ITGBL1: variants seen among roughly 807,000 people sequenced by gnomAD.
ITGBL1 encodes integrin subunit beta like 1, also known as integrin beta-like protein 1.
In ITGBL1, 51 loss-of-function variants were observed where a neutral mutation model predicts 68.5. That is an observed-to-expected ratio of 0.74 (90% CI 0.59 to 0.94). The LOEUF is 0.94. Among genes scored for constraint, ITGBL1 ranks in the 40% least tolerant of loss-of-function variants. The probability of loss-of-function intolerance (pLI) is 0.00; values close to 1 mark genes in which losing one functional copy is unlikely to be tolerated. For missense variants in ITGBL1, 649 were observed against 647.4 expected (o/e 1.00, Z -0.03); for synonymous variants, 209 against 227.3 (o/e 0.92, Z 0.72).
At chr13:101,486,270 T>C (rs746879987) in intron 2 of ITGBL1, among the ~76,000 whole-genome samples, 9 of 152,148 alleles carry the variant, frequency 5.9e-5, no homozygotes, top group Non-Finnish European at 1.0e-4. Context: ...TTCTCACTTA[T>C]AAGTAGGAGC....
intron 7 of ITGBL1, among the ~76,000 whole-genome samples, chr13:101,604,049 G>A (rs1344675519): frequency 6.6e-6 from 1 of 151,828 alleles, no homozygotes; most frequent in Admixed American, 6.6e-5. Flanking sequence ...TGAACAAAAT[G>A]TATACTTTTA....
chr13:101,600,411 T>C (rs2030289745), intron 7 of ITGBL1, among the ~76,000 whole-genome samples: 1 of 152,260 alleles, frequency 6.6e-6, no homozygotes. Flanking sequence ...CCTCTTTTCC[T>C]AATTGAATGC....
At chr13:101,569,057 CACACACACA>C in intron 3 of ITGBL1, among the ~76,000 whole-genome samples, 1 of 150,128 alleles carries the variant, frequency 6.7e-6, no homozygotes, top group Non-Finnish European at 1.5e-5. Context: ...CACACACACA[CACACACACA>C]CACACTTCTC....
At chr13:101,519,928 T>C (rs1361942879) in intron 2 of ITGBL1, among the ~76,000 whole-genome samples, 1 of 152,192 alleles carries the variant, frequency 6.6e-6, no homozygotes, top group Admixed American at 6.5e-5. Context: ...TATTTACTCA[T>C]TGATGTAGTA....
rs929303339 is a variant in ITGBL1, at chr13:101,714,696, G to A, written c.1393+145G>A. ...CTACCAAAGGCGAAGTGGGCATTTG[G>A]GAAAAAGCCCTCACAAAAGCCTCAC... On this transcript the variant is annotated intron_variant, in intron 10 of 10. Coordinates refer to ENST00000376180, the MANE Select transcript of ITGBL1 (RefSeq NM_004791.3). The A allele has an allele frequency of 1.5e-5, 9 of 614,740 alleles. No homozygotes were observed. The African/African-American group carries it at 1.5e-4, about 10-fold the overall frequency. 38.1% of individuals were successfully genotyped at this position (614,740 alleles called of 1,614,324 possible). A position where few individuals can be genotyped will look rare whatever the true frequency, so the allele number is the denominator to read the frequency against.
At chr13:101,559,756 G>A (rs964102143) in intron 2 of ITGBL1, among the ~76,000 whole-genome samples, 4 of 152,142 alleles carry the variant, frequency 2.6e-5, no homozygotes, top group Admixed American at 2.6e-4. Context: ...CTTTTCACTT[G>A]TAGAATGGAA....
chr13:101,604,461 A>G lies in ITGBL1; in HGVS notation c.1015+6162A>G, dbSNP rs550086881. 4.6e-5 allele frequency among the ~76,000 whole-genome samples: 7 copies of G among 151,978 alleles called. No individual in the cohort carries two copies. In the South Asian group the frequency reaches 1.2e-3, roughly 27 times the overall value. On this transcript the variant is annotated intron_variant, in intron 7 of 10. Coordinates refer to ENST00000376180, the MANE Select transcript of ITGBL1 (RefSeq NM_004791.3). ...GCCTCTTGAAGTACTTTAAAACTAA[A>G]TAAGCTTCATCAGTTTCCTTACATG...
At chr13:101,539,821 C>G (rs2049656390) in intron 2 of ITGBL1, among the ~76,000 whole-genome samples, 1 of 151,956 alleles carries the variant, frequency 6.6e-6, no homozygotes, top group Non-Finnish European at 1.5e-5. Context: ...AGCATTTTTT[C>G]ATGTGTCTTT....
chr13:101,568,022 C>G (rs1411396690), intron 3 of ITGBL1, among the ~76,000 whole-genome samples, 177 bp downstream of exon 3: 1 of 151,186 alleles, frequency 6.6e-6, no homozygotes, highest in Non-Finnish European at 1.5e-5. Flanking sequence ...CTGAGACTGG[C>G]AAGTTTGATG....
intron 7 of ITGBL1, among the ~76,000 whole-genome samples, chr13:101,668,440 T>C (rs1056067525): frequency 6.6e-6 from 1 of 152,026 alleles, no homozygotes; most frequent in Non-Finnish European, 1.5e-5. Context: ...CAAAATAGAT[T>C]TTGTTTGTGT....
At chr13:101,667,583 A>C (rs557697794) in intron 7 of ITGBL1, among the ~76,000 whole-genome samples, 2 of 152,206 alleles carry the variant, frequency 1.3e-5, no homozygotes, top group Non-Finnish European at 2.9e-5. Flanking sequence ...AATATTACCC[A>C]TCAGGACAAA....
intron 7 of ITGBL1, among the ~76,000 whole-genome samples, chr13:101,602,510 T>G (rs777095419): frequency 8.6e-4 from 131 of 152,178 alleles, no homozygotes; most frequent in Non-Finnish European, 1.6e-3. Flanking sequence ...ACAAAGACTT[T>G]CTTCACTTGA....
chr13:101,551,170 A>C (rs2049914754), intron 2 of ITGBL1, among the ~76,000 whole-genome samples: 1 of 152,206 alleles, frequency 6.6e-6, no homozygotes, highest in Non-Finnish European at 1.5e-5. Flanking sequence ...CAAATGAGGT[A>C]AGGATTTAAC....
intron 2 of ITGBL1, among the ~76,000 whole-genome samples, chr13:101,527,332 A>AAT (rs982081323): frequency 3.9e-5 from 6 of 152,142 alleles, no homozygotes; most frequent in African/African-American, 1.4e-4. Flanking sequence ...CCTATAATGT[A>AAT]ATATAAAAGG....
At chr13:101,709,101 C>T (rs952217873) in intron 9 of ITGBL1, among the ~76,000 whole-genome samples, 2 of 151,448 alleles carry the variant, frequency 1.3e-5, no homozygotes, top group South Asian at 2.1e-4. Flanking sequence ...CGCGGTGGCT[C>T]ACGCCTGTAA....
chr13:101,706,867 G>GTGAATCAGCAGATGGCA lies in ITGBL1; in HGVS notation c.1246_1262dup (p.Ile421MetfsTer110). 1 of 1,614,158 alleles carries GTGAATCAGCAGATGGCA rather than the reference G, an allele frequency of 6.2e-7. No homozygotes were observed. The highest frequency in any genetic ancestry group is 1.1e-5 in the South Asian group (1 of 91,082). ...ACGGAAGAACAAAGCAAGAATCTGT[G>GTGAATCAGCAGATGGCA]TGAATCAGCAGATGGCATATTGTGC... On this transcript the variant is annotated frameshift_variant, in exon 9 of 11. Transcript: ENST00000376180. LOFTEE classifies it high-confidence loss of function.
At chr13:101,512,892 A>G (rs535128428) in intron 2 of ITGBL1, among the ~76,000 whole-genome samples, 1 of 152,260 alleles carries the variant, frequency 6.6e-6, no homozygotes, top group South Asian at 2.1e-4. Context: ...GTACCAGGAC[A>G]TAGCAGTGGT....
At chr13:101,593,238 T>C (rs963489946) in intron 6 of ITGBL1, among the ~76,000 whole-genome samples, 1 of 124,526 alleles carries the variant, frequency 8.0e-6, no homozygotes, top group African/African-American at 3.2e-5. Flanking sequence ...GGTTTTATTA[T>C]AGAATTATAA....
intron 2 of ITGBL1, among the ~76,000 whole-genome samples, chr13:101,542,105 A>G (rs904675834): frequency 6.6e-6 from 1 of 152,008 alleles, no homozygotes; most frequent in Non-Finnish European, 1.5e-5. Flanking sequence ...TAGCTTTTGA[A>G]TGTGTTTGCT....
Sources: gnomAD v4.1 joint callset for allele counts (sites outside exome capture counted in the v4.1 genomes callset) on GRCh38, gnomAD v4.1.1 for gene constraint, MANE v1.5 for transcripts, NCBI Gene and HGNC (gene_info 2026-07-23, HGNC 2026-07-21) for gene names.